GNL2: variants seen among roughly 807,000 people sequenced by gnomAD.
GNL2 encodes the protein nucleolar GTP-binding protein 2.
GNL2 carries 51 observed loss-of-function variants against 92.3 expected under a neutral mutation model. That is an observed-to-expected ratio of 0.55 (90% CI 0.44 to 0.70). The LOEUF (loss-of-function observed/expected upper bound fraction) is 0.70, where lower values mean the gene tolerates loss of function less well. Ranked by LOEUF, GNL2 falls within the 30% of genes least tolerant of loss-of-function variation. The pLI is 0.00. For synonymous variants in GNL2, 283 were observed against 300.6 expected, an observed-to-expected ratio of 0.94 and a Z score of 0.61; for missense variants, 844 against 895.6, an observed-to-expected ratio of 0.94 and a Z score of 0.74.
intron 6 of GNL2, 181 bp from the exon 7 acceptor site, chr1:37,583,117 C>A (rs528224252): frequency 1.5e-5 from 6 of 411,838 alleles, no homozygotes; most frequent in Non-Finnish European, 2.1e-5. Flanking sequence ...GGTTTTTCAT[C>A]CTGTGGCTTT....
chr1:37,580,932 G>C (rs966545241), intron 8 of GNL2, among the ~76,000 whole-genome samples: 1 of 152,216 alleles, frequency 6.6e-6, no homozygotes, highest in Admixed American at 6.5e-5. Flanking sequence ...TTCCCAGCCT[G>C]TTAGAGTGGC....
At chr1:37,583,153 A>G (rs1346353806) in intron 6 of GNL2, 6 of 363,492 alleles carry the variant, frequency 1.7e-5, no homozygotes, top group Non-Finnish European at 2.9e-5. Context: ...TTAAAACAGA[A>G]AAACTAGCTT....
chr1:37,594,165 T>A (rs1643906995), intron 1 of GNL2: 1 of 216,108 alleles, frequency 4.6e-6, no homozygotes, highest in Admixed American at 5.7e-5. Flanking sequence ...CCTATAGATA[T>A]ATTATCCCCA....
intron 12 of GNL2, among the ~76,000 whole-genome samples, chr1:37,573,485 C>T (rs145244543): frequency 6.6e-6 from 1 of 152,314 alleles, no homozygotes; most frequent in Non-Finnish European, 1.5e-5. Flanking sequence ...GAGCTTCTGG[C>T]CCCAGCCTTC....
rs140568970 is a variant in GNL2 at position 37,575,671 on chromosome 1, C to T, written c.1067G>A (p.Arg356Gln). Residue 356 changes from arginine to glutamine, a missense_variant, in exon 10 of 16, where the codon CGG (arginine) becomes CAG (glutamine). Physicochemically the swap from Arg to Gln is conservative, Grantham distance 43 (BLOSUM62 1). Transcript: ENST00000373062. The surrounding 1 kb of genome is among the most constrained non-coding windows in gnomAD (Gnocchi z 4.1). ...KVWQYITLMR[R>Q]IFLIDCPGVV... ...ACCTGGACAGTCAATCAGGAATATC[C>T]GACGCATCAAAGTAATATACTGCCA... 56 of 1,601,954 alleles carry T rather than the reference C, an allele frequency of 3.5e-5. No homozygotes were observed. The South Asian group carries it at 4.7e-4, about 14-fold the overall frequency.
intron 7 of GNL2, among the ~76,000 whole-genome samples, chr1:37,582,568 A>G (rs1643787410): frequency 6.6e-6 from 1 of 152,258 alleles, no homozygotes; most frequent in South Asian, 2.1e-4. Context: ...ACTAAATGCA[A>G]TTAATGGAGC....
At chr1:37,592,233 T>C (rs1302527502) in intron 3 of GNL2, among the ~76,000 whole-genome samples, 1 of 152,210 alleles carries the variant, frequency 6.6e-6, no homozygotes. Flanking sequence ...GTGATCACCC[T>C]GAGACTGAAG....
intron 11 of GNL2, 27 bp downstream of exon 11, chr1:37,574,638 T>C: frequency 6.2e-7 from 1 of 1,609,252 alleles, no homozygotes; most frequent in Non-Finnish European, 8.5e-7. Flanking sequence ...CAAGTATCAG[T>C]CTAAATTCTC....
Position 37,593,755 on chromosome 1 carries a change from T to A in GNL2, c.149+7A>T. ...AAAGAGAAAGGATGACAGCACCCAG[T>A]GCTCACCTGCGCTCCTTTTGCCTAT... On this transcript the variant is annotated splice_region_variant and intron_variant, in intron 2 of 15. Transcript: ENST00000373062. The A allele has an allele frequency of 6.2e-7, 1 of 1,605,698 alleles. No individual in the cohort carries two copies. Among genetic ancestry groups the A allele is most frequent in the African/African-American group, 1.3e-5 (1 of 74,852 alleles).
At chr1:37,594,605 G>A (rs1402279830) in intron 1 of GNL2, among the ~76,000 whole-genome samples, 1 of 151,922 alleles carries the variant, frequency 6.6e-6, no homozygotes, top group Non-Finnish European at 1.5e-5. Context: ...GCAGTGTCGC[G>A]ATCTCAGCTC....
chr1:37,581,440 G>A (rs1168477450), intron 8 of GNL2: 1 of 455,918 alleles, frequency 2.2e-6, no homozygotes, highest in East Asian at 6.9e-5. Flanking sequence ...AATTTTGGCA[G>A]GGCCCTCTCC....
At chr1:37,595,487 T>G (rs1212782361) in intron 1 of GNL2, among the ~76,000 whole-genome samples, 1 of 152,262 alleles carries the variant, frequency 6.6e-6, no homozygotes, top group Non-Finnish European at 1.5e-5. Flanking sequence ...GACCCAAGGC[T>G]GTCAGCCTGA....
In GNL2 at chr1:37,568,480, G is replaced by A. The variant is rs914252890; in HGVS notation, c.1869-123C>T. ...ACTCCTATCCAAGTAGTTATCACCA[G>A]TGGAAGAAGTCAACATCCAACATGT... On this transcript the variant is annotated intron_variant, in intron 13 of 15. Transcript: ENST00000373062. The A allele has an allele frequency of 5.5e-5, 36 of 652,946 alleles. No individual in the cohort carries two copies. The East Asian group carries it at 9.1e-4, about 17-fold the overall frequency. The allele number at this position is 652,946 out of a possible 1,614,324, so 40.4% of individuals were successfully genotyped here.
At chr1:37,567,504 AG>A (rs1358614326) in intron 15 of GNL2, among the ~76,000 whole-genome samples, 168 bp downstream of exon 15, 1 of 152,014 alleles carries the variant, frequency 6.6e-6, no homozygotes, top group Non-Finnish European at 1.5e-5. Context: ...CATGGACTCA[AG>A]GACCTGCATC....
intron 4 of GNL2, among the ~76,000 whole-genome samples, chr1:37,588,243 T>C (rs1056915654): frequency 2.6e-5 from 4 of 151,554 alleles, no homozygotes; most frequent in African/African-American, 4.9e-5. Context: ...TTGGGATCTA[T>C]CACATAACGG....
At chr1:37,571,785 C>T (rs760651612) in intron 12 of GNL2, among the ~76,000 whole-genome samples, 1 of 152,090 alleles carries the variant, frequency 6.6e-6, no homozygotes, top group Non-Finnish European at 1.5e-5. Flanking sequence ...TACTTATCTA[C>T]ACTTACTGAC....
At chr1:37,583,127 T>C (rs1643798926) in intron 6 of GNL2, 191 bp from the exon 7 acceptor site, 4 of 401,782 alleles carry the variant, frequency 1.0e-5, no homozygotes, top group Non-Finnish European at 1.3e-5. Flanking sequence ...CCTGTGGCTT[T>C]TGAAACCTGC....
intron 11 of GNL2, 55 bp downstream of exon 11, chr1:37,574,610 A>G: frequency 6.4e-7 from 1 of 1,559,564 alleles, no homozygotes; most frequent in Non-Finnish European, 8.8e-7. Flanking sequence ...CCCATATCAT[A>G]TACATACATG....
chr1:37,592,946 C>T, intron 2 of GNL2, 140 bp from the exon 3 acceptor site: 1 of 603,686 alleles, frequency 1.7e-6, no homozygotes, highest in Non-Finnish European at 3.0e-6. Context: ...CCAGTAAACA[C>T]AAAGTACTTC....
Sources: gnomAD v4.1 joint callset for allele counts (sites outside exome capture counted in the v4.1 genomes callset) on GRCh38, gnomAD v4.1.1 for gene constraint, Gnocchi (gnomAD v3.1) non-coding constraint, MANE v1.5 for transcripts, NCBI Gene and HGNC (gene_info 2026-07-23, HGNC 2026-07-21) for gene names.